The following TPTE2 variants were observed in gnomAD, a reference collection of about 807,000 sequenced individuals.
The protein encoded by TPTE2 is transmembrane phosphoinositide 3-phosphatase and tensin homolog 2.
TPTE2 carries 53 observed loss-of-function variants against 78.6 expected under a neutral mutation model. The observed-to-expected ratio is 0.67, with a 90% CI of 0.54 to 0.85. The LOEUF (loss-of-function observed/expected upper bound fraction) is 0.85, where lower values mean the gene tolerates loss of function less well. TPTE2 is among the 40% of genes least tolerant of loss of function. The probability of loss-of-function intolerance (pLI) is 0.00; values close to 1 mark genes in which losing one functional copy is unlikely to be tolerated. For missense variants in TPTE2, 461 were observed against 623.0 expected, an observed-to-expected ratio of 0.74 and a Z score of 2.77; for synonymous variants, 175 against 206.2, an observed-to-expected ratio of 0.85 and a Z score of 1.30.
At chr13:19,458,630 CCA>C in intron 10 of TPTE2, 1 of 485,746 alleles carries the variant, frequency 2.1e-6, no homozygotes, top group Non-Finnish European at 4.1e-6. Context: ...GAGATTAGGC[CCA>C]GTCTTTTGCT....
chr13:19,508,818 C>G (rs1187533984), intron 1 of TPTE2, among the ~76,000 whole-genome samples: 2 of 152,046 alleles, frequency 1.3e-5, no homozygotes, highest in East Asian at 3.9e-4. Flanking sequence ...CTTTAAGTAT[C>G]TAATGGAGAC....
Position 19,482,479 on chromosome 13 carries a change from C to T in TPTE2, c.179+9G>A. ...TGGCTCCCTCCTTTCAAACTTCAAACTGACTTACTCATATGAAGCAACATT... is the reference window on the plus strand; with the variant it reads ...TGGCTCCCTCCTTTCAAACTTCAAATTGACTTACTCATATGAAGCAACATT... On this transcript the variant is annotated intron_variant, in intron 4 of 19. Transcript: ENST00000400230. 2.5e-6 allele frequency: 4 copies of T among 1,610,964 alleles called. No homozygotes were observed. The highest frequency in any genetic ancestry group is 3.4e-6 in the Non-Finnish European group (4 of 1,178,444).
the TPTE2 span, among the ~76,000 whole-genome samples, chr13:19,547,720 C>CATATAT: frequency 3.8e-3 from 446 of 118,852 alleles, 9 homozygotes; most frequent in African/African-American, 0.01. Context: ...AATAAATATA[C>CATATAT]ATATATATAT....
chr13:19,541,739 A>G (rs9506175), upstream of TPTE2, among the ~76,000 whole-genome samples: 99,062 of 151,962 alleles, frequency 0.65, 34,806 homozygotes, highest in East Asian at 0.88. Flanking sequence ...TTGTTAAATT[A>G]CCCTGACATT....
chr13:19,424,062 T>C (rs757675281), intron 19 of TPTE2, among the ~76,000 whole-genome samples: 2 of 152,254 alleles, frequency 1.3e-5, no homozygotes, highest in Non-Finnish European at 2.9e-5. Flanking sequence ...AGGTTTAATT[T>C]CCTGTTGCCT....
chr13:19,456,792 G>C (rs1262071601), intron 10 of TPTE2, among the ~76,000 whole-genome samples: 3 of 152,128 alleles, frequency 2.0e-5, no homozygotes, highest in Non-Finnish European at 4.4e-5. Context: ...GTGTGGGTTT[G>C]AGTGTGTGTG....
At chr13:19,525,005 A>G (rs1870408513) in intron 1 of TPTE2, among the ~76,000 whole-genome samples, 1 of 152,148 alleles carries the variant, frequency 6.6e-6, no homozygotes, top group African/African-American at 2.4e-5. Context: ...GGATTTTAAG[A>G]ATGGAAGTCT....
chr13:19,515,691 T>C (rs1208326288), intron 1 of TPTE2, among the ~76,000 whole-genome samples: 1 of 152,216 alleles, frequency 6.6e-6, no homozygotes, highest in Non-Finnish European at 1.5e-5. Flanking sequence ...GGATGAATAA[T>C]TGGATTGTTT....
At chr13:19,555,730 TTCAAGAATC>T in the TPTE2 span, among the ~76,000 whole-genome samples, 4 of 151,772 alleles carry the variant, frequency 2.6e-5, no homozygotes, top group Non-Finnish European at 4.4e-5. Flanking sequence ...AGCTGCCTCC[TTCAAGAATC>T]TCAAGAATCT....
upstream of TPTE2, among the ~76,000 whole-genome samples, chr13:19,539,546 G>A (rs1435428975): frequency 6.6e-5 from 10 of 152,080 alleles, no homozygotes; most frequent in Admixed American, 6.5e-4. Flanking sequence ...AAATTACCCA[G>A]TCTTGGGTAT....
At chr13:19,514,294 G>A (rs1318228629) in intron 1 of TPTE2, among the ~76,000 whole-genome samples, 1 of 152,138 alleles carries the variant, frequency 6.6e-6, no homozygotes, top group Non-Finnish European at 1.5e-5. Context: ...TACCAAAGAT[G>A]CTTAAAGTCT....
chr13:19,543,850 C>T, the TPTE2 span, among the ~76,000 whole-genome samples: 14 of 151,812 alleles, frequency 9.2e-5, no homozygotes, highest in South Asian at 2.7e-3. Flanking sequence ...ATTGCTTGAG[C>T]CCAGGAGTTC....
the TPTE2 span, chr13:19,560,592 G>T: frequency 1.2e-6 from 2 of 1,601,478 alleles, no homozygotes; most frequent in Non-Finnish European, 1.7e-6. Context: ...CTCGGTCAAA[G>T]AGGTCACAGA....
chr13:19,543,026 T>TA, the TPTE2 span, among the ~76,000 whole-genome samples: 1 of 152,072 alleles, frequency 6.6e-6, no homozygotes, highest in Non-Finnish European at 1.5e-5. Context: ...ATTATAAACT[T>TA]ACTTCATTGA....
Position 19,422,935 on chromosome 13 carries a change from A to G in TPTE2, c.*127T>C, listed in dbSNP as rs1875708380. 8.4e-6 allele frequency: 8 copies of G among 948,304 alleles called. No individual in the cohort carries two copies. In the Admixed American group the frequency reaches 2.1e-4, roughly 24 times the overall value. 58.7% of individuals were successfully genotyped at this position (948,304 alleles called of 1,614,324 possible). On this transcript the variant is annotated 3_prime_UTR_variant, in exon 20 of 20. Transcript: ENST00000400230. ...AACATATATAAACATATATAAATATAGATGCATCATCAAGGAAGACTTAGG... is the reference window on the plus strand; with the variant it reads ...AACATATATAAACATATATAAATATGGATGCATCATCAAGGAAGACTTAGG...
rs538745434 is a variant in TPTE2, at chr13:19,491,780, G to A, written c.119+1070C>T. ...ATGGAGGTTACAGGGAGCCGAGATC[G>A]CGCCACTGCACTCCAGCTTGGGCAA... On this transcript the variant is annotated intron_variant, in intron 3 of 19. Transcript: ENST00000400230. Among the ~76,000 whole-genome samples the A allele has an allele frequency of 2.3e-4, 35 of 152,202 alleles. 1 individual carries two copies. The highest frequency in any genetic ancestry group is 8.3e-4 in the South Asian group (4 of 4,812).
chr13:19,440,174 A>G (rs1183912535), intron 13 of TPTE2, among the ~76,000 whole-genome samples: 1 of 152,194 alleles, frequency 6.6e-6, no homozygotes, highest in East Asian at 1.9e-4. Context: ...GTCACTGTCA[A>G]AGAAAAAGCC....
chr13:19,449,968 G>A (rs1878069901), intron 13 of TPTE2, 108 bp downstream of exon 16: 2 of 1,125,474 alleles, frequency 1.8e-6, no homozygotes, highest in Non-Finnish European at 2.5e-6. Flanking sequence ...ATTTAAAAAT[G>A]CTAACAATTA....
At chr13:19,522,619 C>CTTTTTTTTTT (rs57248346) in intron 1 of TPTE2, among the ~76,000 whole-genome samples, 518 of 121,638 alleles carry the variant, frequency 4.3e-3, no homozygotes, top group Middle Eastern at 8.8e-3. Flanking sequence ...CTTTTTTTTT[C>CTTTTTTTTTT]TTTTTTTTTT....
Sources: gnomAD v4.1 joint callset for allele counts (sites outside exome capture counted in the v4.1 genomes callset) on GRCh38, gnomAD v4.1.1 for gene constraint, MANE v1.5 for transcripts, NCBI Gene and HGNC (gene_info 2026-07-23, HGNC 2026-07-21) for gene names.